Variants in TAFA5 observed in about 807,000 individuals in gnomAD.
TAFA5 encodes the protein TAFA chemokine like family member 5.
Under a neutral mutation model 15.3 loss-of-function variants are expected in TAFA5, and 6 were observed. The ratio of observed to expected loss-of-function variants is 0.39; its 90% CI spans 0.21 to 0.77. TAFA5 has a LOEUF of 0.77. Among genes scored for constraint, TAFA5 ranks in the 30% least tolerant of loss-of-function variants. The probability of loss-of-function intolerance (pLI) is 0.41; values close to 1 mark genes in which losing one functional copy is unlikely to be tolerated. For missense variants in TAFA5, 161 were observed against 193.1 expected (o/e 0.83, Z 0.98); for synonymous variants, 103 against 80.7 (o/e 1.28, Z -1.48).
chr22:48,694,535 T>TCCTGAGC (rs371961679), intron 2 of TAFA5, among the ~76,000 whole-genome samples: 7 of 152,080 alleles, frequency 4.6e-5, no homozygotes, highest in Admixed American at 2.6e-4. Flanking sequence ...GTTTGCCTTT[T>TCCTGAGC]CCTGAGCCCT....
At chr22:48,543,976 G>T (rs1922562525) in intron 1 of TAFA5, 1 of 152,278 alleles carries the variant, frequency 6.6e-6, no homozygotes, top group African/African-American at 2.4e-5. Context: ...GGAGCTCCCA[G>T]GGGCCTGGGG....
intron 1 of TAFA5, among the ~76,000 whole-genome samples, chr22:48,549,790 A>T (rs1291342636): frequency 6.6e-6 from 1 of 152,198 alleles, no homozygotes; most frequent in Non-Finnish European, 1.5e-5. Flanking sequence ...GCAACTGTGC[A>T]CATTGAGGAC....
intron 3 of TAFA5, among the ~76,000 whole-genome samples, chr22:48,746,314 ACT>A (rs772714208): frequency 2.0e-4 from 30 of 150,866 alleles, no homozygotes; most frequent in Admixed American, 3.3e-4. Flanking sequence ...GTCACCCGTC[ACT>A]CTCATTTTCA....
intron 1 of TAFA5, among the ~76,000 whole-genome samples, chr22:48,613,521 G>A (rs1925486983): frequency 6.6e-6 from 1 of 152,168 alleles, no homozygotes; most frequent in Non-Finnish European, 1.5e-5. Context: ...CTGAGCTTGG[G>A]GTTGTCTGGA....
At chr22:48,641,677 C>T (rs188039245) in intron 1 of TAFA5, among the ~76,000 whole-genome samples, 2 of 151,480 alleles carry the variant, frequency 1.3e-5, no homozygotes, top group South Asian at 2.1e-4. Context: ...CCCTCGCACA[C>T]GCGTGTGCAC....
intron 1 of TAFA5, among the ~76,000 whole-genome samples, chr22:48,613,415 CG>C (rs1201940461): frequency 6.6e-6 from 1 of 152,158 alleles, no homozygotes; most frequent in African/African-American, 2.4e-5. Flanking sequence ...GATGCCCCTG[CG>C]GGCCCTGCCG....
chr22:48,608,008 G>A (rs1048318960), intron 1 of TAFA5, among the ~76,000 whole-genome samples: 8 of 150,892 alleles, frequency 5.3e-5, no homozygotes, highest in Non-Finnish European at 8.8e-5. Context: ...CCTGGGGAAC[G>A]TGGAGGGAAT....
chr22:48,510,785 A>G (rs1433552218), intron 1 of TAFA5, among the ~76,000 whole-genome samples: 1 of 152,226 alleles, frequency 6.6e-6, no homozygotes, highest in African/African-American at 2.4e-5. Flanking sequence ...TTGGATGTGT[A>G]TGGACTCTGA....
chr22:48,711,409 C>G (rs1054061191), intron 3 of TAFA5, among the ~76,000 whole-genome samples: 1 of 151,746 alleles, frequency 6.6e-6, no homozygotes, highest in Admixed American at 6.6e-5. Flanking sequence ...TCCAGGGGAC[C>G]GGGGTGGGCC....
intron 2 of TAFA5, among the ~76,000 whole-genome samples, chr22:48,699,411 A>G (rs189878049): frequency 1.9e-3 from 286 of 152,118 alleles, no homozygotes; most frequent in Non-Finnish European, 2.3e-3. Flanking sequence ...AACCAATAAC[A>G]TTTAAAGTTG....
intron 1 of TAFA5, among the ~76,000 whole-genome samples, chr22:48,624,317 C>T (rs1322044883): frequency 1.3e-5 from 2 of 152,122 alleles, no homozygotes; most frequent in African/African-American, 4.8e-5. Context: ...TGCCTGGGGT[C>T]GTGTGGGTCA....
intron 1 of TAFA5, among the ~76,000 whole-genome samples, chr22:48,613,649 G>A (rs959938631): frequency 2.0e-5 from 3 of 152,220 alleles, no homozygotes; most frequent in African/African-American, 4.8e-5. Context: ...TTCTGGGGCA[G>A]GGTTGAGGCT....
intron 2 of TAFA5, among the ~76,000 whole-genome samples, chr22:48,649,789 C>T (rs543894660): frequency 6.6e-6 from 1 of 152,308 alleles, no homozygotes; most frequent in African/African-American, 2.4e-5. Flanking sequence ...GAGCGGTGCC[C>T]TGCACGGCCA....
intron 2 of TAFA5, among the ~76,000 whole-genome samples, chr22:48,655,094 G>A (rs1441294152): frequency 6.6e-6 from 1 of 152,176 alleles, no homozygotes; most frequent in African/African-American, 2.4e-5. Flanking sequence ...ATCTGTCATT[G>A]TGTACTGGGC....
At position 48,583,064 on chromosome 22, in the gene TAFA5, C is replaced by G. The variant is rs1280179542; in HGVS notation, c.113-63533C>G. On this transcript the variant is annotated intron_variant, in intron 1 of 3. Transcript: ENST00000402357. ...CACACACACCGCACACAAAGTACAC[C>G]ACACACAAAATACACCACACACCCC... is the stretch of plus-strand genomic sequence containing the variant. 4.2e-5 allele frequency among the ~76,000 whole-genome samples: 6 copies of G among 144,210 alleles called. 1 individual carries two copies. The highest frequency in any genetic ancestry group is 1.6e-4 in the African/African-American group (6 of 38,674). The allele number at this position is 144,210 out of a possible 152,430, so 94.6% of individuals were successfully genotyped here. A position where few individuals can be genotyped will look rare whatever the true frequency, so the allele number is the denominator to read the frequency against.
intron 1 of TAFA5, among the ~76,000 whole-genome samples, chr22:48,504,300 TA>T (rs1477189106): frequency 6.6e-6 from 1 of 152,172 alleles, no homozygotes; most frequent in Non-Finnish European, 1.5e-5. Flanking sequence ...GAGATTGGGA[TA>T]ATTCTGTTTA....
intron 1 of TAFA5, among the ~76,000 whole-genome samples, chr22:48,613,803 A>G (rs1925499003): frequency 6.6e-6 from 1 of 152,166 alleles, no homozygotes; most frequent in Admixed American, 6.5e-5. Context: ...CTCTGTCGCC[A>G]TAGAATGTGG....
At chr22:48,630,254 G>A (rs1477371266) in intron 1 of TAFA5, among the ~76,000 whole-genome samples, 1 of 152,146 alleles carries the variant, frequency 6.6e-6, no homozygotes, top group Admixed American at 6.5e-5. Context: ...GGTTGGAGGC[G>A]AGCTCGCTGA....
chr22:48,628,410 T>C (rs372756149), intron 1 of TAFA5, among the ~76,000 whole-genome samples: 13 of 152,244 alleles, frequency 8.5e-5, no homozygotes, highest in African/African-American at 2.9e-4. Context: ...CCTGCTGGGG[T>C]CCTGCAGGTT....
Sources: allele counts gnomAD v4.1 joint callset (sites outside exome capture counted in the v4.1 genomes callset), GRCh38; gene constraint gnomAD v4.1.1; transcripts MANE v1.5; gene names NCBI Gene and HGNC (gene_info 2026-07-23, HGNC 2026-07-21).